The following EYS variants were observed in gnomAD, a reference collection of about 807,000 sequenced individuals.
EYS encodes the protein EGF-like photoreceptor maintenance factor, also known as protein eyes shut homolog.
In EYS, 250 loss-of-function variants were observed where a neutral mutation model predicts 282.1. The ratio of observed to expected loss-of-function variants is 0.89; its 90% CI spans 0.80 to 0.98. The LOEUF is 0.98. Among genes scored for constraint, EYS ranks in the 50% least tolerant of loss-of-function variants. The pLI is 0.00. For missense variants in EYS, 4,016 were observed against 3,709.0 expected (o/e 1.08, Z -2.15); for synonymous variants, 1,355 against 1,282.9 (o/e 1.06, Z -1.20).
intron 12 of EYS, among the ~76,000 whole-genome samples, chr6:65,182,752 T>A (rs1181068947): frequency 6.6e-6 from 1 of 151,864 alleles, no homozygotes. Flanking sequence ...ATTGGATAAG[T>A]CTCAAACAAG....
intron 36 of EYS, among the ~76,000 whole-genome samples, chr6:63,826,859 AAAAAAG>A (rs1366764874): frequency 2.6e-5 from 4 of 150,970 alleles, no homozygotes; most frequent in Admixed American, 6.6e-5. Flanking sequence ...AAAAAAAAAA[AAAAAAG>A]GACAAAAACA....
rs150245718 is a variant in EYS at position 65,280,137 on chromosome 6, T to A, written c.2023+15726A>T. ...AGAGGAGCTTTATTTTAGACTTAACTGACTTCCCCTACCTACTAAACAGCA... is the reference window on the plus strand; with the variant it reads ...AGAGGAGCTTTATTTTAGACTTAACAGACTTCCCCTACCTACTAAACAGCA... On this transcript the variant is annotated intron_variant, in intron 12 of 42. Coordinates refer to ENST00000503581, the MANE Select transcript of EYS (RefSeq NM_001142800.2). 4.1e-3 allele frequency among the ~76,000 whole-genome samples: 626 copies of A among 152,312 alleles called. 3 individuals are homozygous for A. Among genetic ancestry groups the A allele is most frequent in the South Asian group, 0.019 (93 of 4,820 alleles).
chr6:64,531,017 C>T (rs908182071), intron 26 of EYS, among the ~76,000 whole-genome samples: 11 of 152,110 alleles, frequency 7.2e-5, no homozygotes, highest in African/African-American at 2.7e-4. Context: ...GATTGCCACA[C>T]TATTTTGTGA....
intron 22 of EYS, among the ~76,000 whole-genome samples, chr6:64,791,515 T>C (rs1774190792): frequency 6.6e-6 from 1 of 151,892 alleles, no homozygotes; most frequent in African/African-American, 2.4e-5. Context: ...AAAAGCAACA[T>C]TTTCATGAGT....
chr6:65,377,318 C>A (rs1472953090), intron 8 of EYS, among the ~76,000 whole-genome samples: 1 of 152,088 alleles, frequency 6.6e-6, no homozygotes, highest in Non-Finnish European at 1.5e-5. Flanking sequence ...CAACAAAGTT[C>A]TTTGAAACCA....
rs185362339 is a variant in EYS, at chr6:64,767,818, T to C, written c.3443+45560A>G. Among the ~76,000 whole-genome samples the C allele has an allele frequency of 4.5e-4, 69 of 152,284 alleles. No individual in the cohort carries two copies. The East Asian group carries it at 8.5e-3, about 19-fold the overall frequency. On this transcript the variant is annotated intron_variant, in intron 22 of 42. Transcript: ENST00000503581. ...AATGCCCAATAGTGGGATTGCTGGA[T>C]CATATGTTAGTTCAAGTCGTAGTTT...
intron 31 of EYS, among the ~76,000 whole-genome samples, chr6:64,143,382 A>G (rs1402238671): frequency 1.5e-5 from 2 of 133,188 alleles, no homozygotes; most frequent in Non-Finnish European, 3.2e-5. Context: ...AAAAAAAAAA[A>G]GTATCACTGT....
chr6:65,318,897 C>A (rs954890243), intron 11 of EYS, among the ~76,000 whole-genome samples: 2 of 150,510 alleles, frequency 1.3e-5, no homozygotes, highest in African/African-American at 4.9e-5. Context: ...CCGCCTTGGC[C>A]TGCGAAAGTG....
intron 33 of EYS, among the ~76,000 whole-genome samples, chr6:64,042,162 A>T (rs1487973819): frequency 6.6e-6 from 1 of 152,226 alleles, no homozygotes; most frequent in East Asian, 1.9e-4. Flanking sequence ...GCAGCAGGTC[A>T]TATTTTTGGT....
At chr6:64,361,562 GTTGTA>G (rs1772006357) in intron 29 of EYS, among the ~76,000 whole-genome samples, 1 of 151,672 alleles carries the variant, frequency 6.6e-6, no homozygotes, top group Non-Finnish European at 1.5e-5. Flanking sequence ...AAATATTCTA[GTTGTA>G]TTGTTGCTGT....
At chr6:64,342,907 T>G (rs1302999624) in intron 29 of EYS, among the ~76,000 whole-genome samples, 2 of 152,092 alleles carry the variant, frequency 1.3e-5, no homozygotes, top group Non-Finnish European at 2.9e-5. Flanking sequence ...GTTGCAATCC[T>G]AGTCTTGGAT....
At chr6:64,417,759 C>A (rs1774103725) in intron 28 of EYS, among the ~76,000 whole-genome samples, 2 of 151,134 alleles carry the variant, frequency 1.3e-5, no homozygotes, top group South Asian at 4.2e-4. Flanking sequence ...CAACCTCGGC[C>A]TCCTGGGTTC....
chr6:64,027,070 T>A (rs1339062451), intron 33 of EYS, among the ~76,000 whole-genome samples: 1 of 152,200 alleles, frequency 6.6e-6, no homozygotes, highest in Non-Finnish European at 1.5e-5. Flanking sequence ...AGACACCTGG[T>A]ATCTTAGTCG....
At chr6:64,490,369 G>C (rs906371557) in intron 26 of EYS, among the ~76,000 whole-genome samples, 3 of 150,860 alleles carry the variant, frequency 2.0e-5, no homozygotes, top group African/African-American at 7.3e-5. Flanking sequence ...TGTCATGGTA[G>C]TTAAAAGATA....
intron 33 of EYS, among the ~76,000 whole-genome samples, chr6:64,003,110 T>C (rs902638153): frequency 8.5e-5 from 13 of 152,154 alleles, no homozygotes; most frequent in African/African-American, 2.4e-4. Flanking sequence ...ATATACACAA[T>C]GGAGTACTGT....
chr6:64,686,745 ATATATATATATATATATGTGTG>A (rs1770123108), intron 22 of EYS, among the ~76,000 whole-genome samples: 2 of 12,750 alleles, frequency 1.6e-4, no homozygotes, highest in Admixed American at 1.9e-3. Context: ...CCATCTAAAT[ATATATATATATATATATGTGTG>A]TATATATATA....
intron 12 of EYS, among the ~76,000 whole-genome samples, chr6:65,066,328 T>G (rs1395202646): frequency 1.3e-5 from 2 of 152,218 alleles, no homozygotes; most frequent in Non-Finnish European, 2.9e-5. Context: ...TTAGCAATTT[T>G]GAACCTATTT....
intron 5 of EYS, among the ~76,000 whole-genome samples, chr6:65,470,095 C>T (rs1053441122): frequency 3.9e-5 from 6 of 151,948 alleles, no homozygotes; most frequent in East Asian, 1.9e-4. Flanking sequence ...TTTAAAGGAC[C>T]GATAGCAAGC....
intron 35 of EYS, among the ~76,000 whole-genome samples, chr6:63,867,962 T>A (rs573210415): frequency 6.6e-6 from 1 of 152,312 alleles, no homozygotes; most frequent in African/African-American, 2.4e-5. Flanking sequence ...TGGGCATTAG[T>A]TATTATTGTG....
Sources: allele counts gnomAD v4.1 joint callset (sites outside exome capture counted in the v4.1 genomes callset), GRCh38; gene constraint gnomAD v4.1.1; transcripts MANE v1.5; gene names NCBI Gene and HGNC (gene_info 2026-07-23, HGNC 2026-07-21).